VAV2: variants seen among roughly 807,000 people sequenced by gnomAD.
VAV2 encodes the protein guanine nucleotide exchange factor VAV2.
In VAV2, 67 loss-of-function variants were observed where a neutral mutation model predicts 132.5. That is an observed-to-expected ratio of 0.51 (90% CI 0.42 to 0.62). The LOEUF is 0.62. VAV2 is among the 20% of genes least tolerant of loss of function. The probability of loss-of-function intolerance (pLI) is 0.00; values close to 1 mark genes in which losing one functional copy is unlikely to be tolerated. For synonymous variants in VAV2, 492 were observed against 443.5 expected, an observed-to-expected ratio of 1.11 and a Z score of -1.37; for missense variants, 938 against 1,153.6, an observed-to-expected ratio of 0.81 and a Z score of 2.71.
In VAV2 at chr9:133,926,427, T is replaced by G. The variant is rs145869842; in HGVS notation, c.321+12676A>C. Reference sequence around the variant, plus strand: ...GTTATTATTACTAATTCCAACAACCTGGCTTGCAGCTTTAGATCGTGGGTC... The same window carrying G: ...GTTATTATTACTAATTCCAACAACCGGGCTTGCAGCTTTAGATCGTGGGTC... On this transcript the variant is annotated intron_variant, in intron 2 of 29. Transcript: ENST00000371850. The surrounding 1 kb of genome is among the most constrained non-coding windows in gnomAD (Gnocchi z 4.3). 2 of 152,306 alleles carry G rather than the reference T, an allele frequency of 1.3e-5. No homozygotes were observed. Among genetic ancestry groups the G allele is most frequent in the Non-Finnish European group, 2.9e-5 (2 of 68,124 alleles). The allele number at this position is 152,306 out of a possible 1,614,324, so 9.4% of individuals were successfully genotyped here.
intron 2 of VAV2, among the ~76,000 whole-genome samples, chr9:133,862,574 G>A (rs1837640641): frequency 1.3e-5 from 2 of 152,246 alleles, no homozygotes; most frequent in Admixed American, 6.5e-5. Context: ...GCAGCTGTAT[G>A]TGCATGTGTG....
Position 133,788,267 on chromosome 9 carries a change from C to T in VAV2, c.1407+87G>A. On this transcript the variant is annotated intron_variant, in intron 15 of 29. Transcript: ENST00000371850. This position sits in a 1 kb window ranked among gnomAD's most constrained non-coding sequence, Gnocchi z 5.3. ...CCAGCATCAGCGGCTGACTTCGAGT[C>T]CCCTTCCCCTGGGGTCTGGAACCCA... The T allele has an allele frequency of 2.7e-6, 3 of 1,096,370 alleles. No homozygotes were observed. The highest frequency in any genetic ancestry group is 3.8e-6 in the Non-Finnish European group (3 of 793,856). 67.9% of individuals were successfully genotyped at this position (1,096,370 alleles called of 1,614,324 possible). A position where few individuals can be genotyped will look rare whatever the true frequency, so the allele number is the denominator to read the frequency against.
intron 1 of VAV2, among the ~76,000 whole-genome samples, chr9:133,955,018 A>G (rs1251753060): frequency 6.6e-6 from 1 of 152,032 alleles, no homozygotes; most frequent in East Asian, 1.9e-4. Flanking sequence ...TGAGGTGAGG[A>G]AAAAGGAAGG....
intron 3 of VAV2, among the ~76,000 whole-genome samples, chr9:133,847,552 C>T (rs1003860868): frequency 8.5e-5 from 13 of 152,140 alleles, no homozygotes; most frequent in Admixed American, 2.0e-4. Flanking sequence ...GGGAAGAGCC[C>T]GGACACCCTG....
intron 3 of VAV2, among the ~76,000 whole-genome samples, chr9:133,848,979 C>G (rs1340844093): frequency 2.6e-5 from 4 of 152,244 alleles, no homozygotes; most frequent in South Asian, 2.1e-4. Context: ...AATCCCACCA[C>G]AAAACATGAT....
intron 3 of VAV2, among the ~76,000 whole-genome samples, chr9:133,858,597 T>C (rs917749167): frequency 1.3e-5 from 2 of 152,188 alleles, no homozygotes; most frequent in Non-Finnish European, 2.9e-5. Flanking sequence ...ACACACACCC[T>C]GCTACTGTCA....
In VAV2 at chr9:133,935,517, C is replaced by T. The variant is rs1158365695; in HGVS notation, c.321+3586G>A. On this transcript the variant is annotated intron_variant, in intron 2 of 29. Transcript: ENST00000371850. This position sits in a 1 kb window ranked among gnomAD's most constrained non-coding sequence, Gnocchi z 5.2. ...GGACTGCAACAAATACGCCCCGGCC[C>T]AGCAAGAGGTCCCCAGGAGTCTGAG... is the stretch of plus-strand genomic sequence containing the variant. Among the ~76,000 whole-genome samples, 1 of 152,178 alleles carries T rather than the reference C, an allele frequency of 6.6e-6. No homozygotes were observed. The highest frequency in any genetic ancestry group is 2.4e-5 in the African/African-American group (1 of 41,450).
rs193029526 is a variant in VAV2, at chr9:133,818,082, C to T, written c.450-5866G>A. 1.9e-3 allele frequency among the ~76,000 whole-genome samples: 290 copies of T among 152,162 alleles called. 1 individual carries two copies. Among genetic ancestry groups the T allele is most frequent in the African/African-American group, 5.9e-3 (244 of 41,498 alleles). On this transcript the variant is annotated intron_variant, in intron 4 of 29. Transcript: ENST00000371850. ...CACGTAGAACAAAAAAGGCAGAGGG[C>T]GGCCGGGCGCGGCGGCTCACGCCTG... is the stretch of plus-strand genomic sequence containing the variant.
Position 133,873,092 on chromosome 9 carries a change from G to A in VAV2, c.322-11660C>T, listed in dbSNP as rs959182366. The stretch of plus-strand genomic sequence containing the variant: ...TGAGCCACTGCACTCCAGCCTGGGC[G>A]ACAGAGGGAGGGGGCGGGGGGGTGG... On this transcript the variant is annotated intron_variant, in intron 2 of 29. Coordinates refer to ENST00000371850, the MANE Select transcript of VAV2 (RefSeq NM_001134398.2). Among the ~76,000 whole-genome samples the A allele has an allele frequency of 1.6e-4, 22 of 133,574 alleles. No individual in the cohort carries two copies. In the South Asian group the frequency reaches 5.1e-3, roughly 31 times the overall value. The allele number at this position is 133,574 out of a possible 152,430, so 87.6% of individuals were successfully genotyped here. A position where few individuals can be genotyped will look rare whatever the true frequency, so the allele number is the denominator to read the frequency against.
chr9:133,797,675 A>C (rs1321437605), intron 10 of VAV2, 35 bp downstream of exon 10: 2 of 1,591,966 alleles, frequency 1.3e-6, no homozygotes, highest in African/African-American at 2.7e-5. Flanking sequence ...GCAACCTTGG[A>C]GCCAGGGCCA....
At chr9:133,837,169 A>G (rs972193624) in intron 3 of VAV2, among the ~76,000 whole-genome samples, 1 of 152,232 alleles carries the variant, frequency 6.6e-6, no homozygotes, top group Non-Finnish European at 1.5e-5. Context: ...TCTGCTGGGA[A>G]GAGCAGCTGT....
intron 2 of VAV2, among the ~76,000 whole-genome samples, chr9:133,936,467 T>C (rs1190634932): frequency 6.6e-6 from 1 of 152,026 alleles, no homozygotes; most frequent in Non-Finnish European, 1.5e-5. Context: ...GGTTTCGAAC[T>C]CCTAACTTCA....
intron 4 of VAV2, among the ~76,000 whole-genome samples, chr9:133,831,700 A>G (rs1340091964): frequency 1.3e-5 from 2 of 152,180 alleles, no homozygotes; most frequent in South Asian, 2.1e-4. Flanking sequence ...CTGTCCAGAA[A>G]CGCTGAGGCA....
intron 2 of VAV2, among the ~76,000 whole-genome samples, chr9:133,900,591 G>A (rs926426813): frequency 4.6e-5 from 7 of 151,572 alleles, no homozygotes; most frequent in African/African-American, 1.7e-4. Flanking sequence ...AGGAAGGGGC[G>A]CGGCTCAGAG....
At chr9:133,963,542 G>A (rs1842032245) in intron 1 of VAV2, among the ~76,000 whole-genome samples, 1 of 152,212 alleles carries the variant, frequency 6.6e-6, no homozygotes, top group African/African-American at 2.4e-5. Context: ...CCTGTGTTGG[G>A]GGTAACCAAG....
intron 3 of VAV2, among the ~76,000 whole-genome samples, chr9:133,860,316 G>T (rs1022881189): frequency 3.3e-5 from 5 of 151,138 alleles, no homozygotes; most frequent in Admixed American, 2.0e-4. Context: ...AAAAAAAAAA[G>T]TCTATCCTAT....
chr9:133,933,881 GAAT>G (rs149030572), intron 2 of VAV2, among the ~76,000 whole-genome samples: 33 of 49,736 alleles, frequency 6.6e-4, no homozygotes, highest in Admixed American at 6.4e-3. Flanking sequence ...ATGGATGGAT[GAAT>G]GATGGATGGA....
At chr9:133,980,389 G>A (rs559041995) in intron 1 of VAV2, among the ~76,000 whole-genome samples, 11 of 152,194 alleles carry the variant, frequency 7.2e-5, no homozygotes, top group African/African-American at 2.4e-4. Flanking sequence ...AGGACCAGGG[G>A]AGGTGCCAGT....
At chr9:133,976,557 T>A (rs947318539) in intron 1 of VAV2, among the ~76,000 whole-genome samples, 1 of 152,346 alleles carries the variant, frequency 6.6e-6, no homozygotes, top group African/African-American at 2.4e-5. Flanking sequence ...TGTGGTAAAG[T>A]ACACACAATG....
Sources: allele counts gnomAD v4.1 joint callset (sites outside exome capture counted in the v4.1 genomes callset), GRCh38; gene constraint gnomAD v4.1.1; non-coding constraint Gnocchi (gnomAD v3.1); transcripts MANE v1.5; gene names NCBI Gene and HGNC (gene_info 2026-07-23, HGNC 2026-07-21).